Variants in ERC2 observed in about 807,000 individuals in gnomAD.
ERC2 encodes ELKS/RAB6-interacting/CAST family member 2, also known as ERC protein 2.
A neutral mutation model predicts 114.8 loss-of-function variants in ERC2; 42 were observed. The ratio of observed to expected loss-of-function variants is 0.37; its 90% CI spans 0.29 to 0.47. ERC2 has a LOEUF of 0.47. Among genes scored for constraint, ERC2 ranks in the 20% least tolerant of loss-of-function variants. ERC2 has a pLI of 0.99. For missense variants in ERC2, 939 were observed against 1,150.7 expected, an observed-to-expected ratio of 0.82 and a Z score of 2.66; for synonymous variants, 454 against 425.5, an observed-to-expected ratio of 1.07 and a Z score of -0.82.
chr3:56,056,824 T>A (rs548432274), intron 7 of ERC2, among the ~76,000 whole-genome samples: 1 of 152,286 alleles, frequency 6.6e-6, no homozygotes, highest in South Asian at 2.1e-4. Flanking sequence ...CCTTCCCTGG[T>A]CAATAGGCAT....
intron 3 of ERC2, among the ~76,000 whole-genome samples, chr3:56,180,175 T>TGACCACTGGACTTA (rs1369894111): frequency 6.6e-6 from 1 of 152,162 alleles, no homozygotes; most frequent in Non-Finnish European, 1.5e-5. Flanking sequence ...GCTAGAGAAT[T>TGACCACTGGACTTA]GACCACTGGA....
At chr3:55,581,099 G>C (rs1005741118) in intron 17 of ERC2, among the ~76,000 whole-genome samples, 2 of 152,170 alleles carry the variant, frequency 1.3e-5, no homozygotes, top group Non-Finnish European at 1.5e-5. Context: ...CCTCTAACTA[G>C]GGGGCAGTGC....
chr3:55,846,693 T>TTCTCTCTCTCTC (rs34647203), intron 14 of ERC2, among the ~76,000 whole-genome samples: 6 of 142,912 alleles, frequency 4.2e-5, no homozygotes, highest in African/African-American at 7.9e-5. Context: ...CTCTCTCTCT[T>TTCTCTCTCTCTC]TCTCTCTCTC....
intron 7 of ERC2, among the ~76,000 whole-genome samples, chr3:56,065,518 CT>C (rs374218856): frequency 1.0e-3 from 135 of 134,226 alleles, no homozygotes; most frequent in Non-Finnish European, 1.0e-3. Flanking sequence ...GGACTACTTT[CT>C]TTTTTAAAAA....
At chr3:55,961,501 T>C (rs1343460677) in intron 12 of ERC2, among the ~76,000 whole-genome samples, 1 of 152,196 alleles carries the variant, frequency 6.6e-6, no homozygotes, top group Admixed American at 6.5e-5. Flanking sequence ...GTCTTCCTTG[T>C]TCTGCTATAG....
intron 2 of ERC2, among the ~76,000 whole-genome samples, chr3:56,406,329 G>A (rs1399014635): frequency 6.6e-6 from 1 of 152,218 alleles, no homozygotes; most frequent in South Asian, 2.1e-4. Flanking sequence ...CCGAAAGAAG[G>A]TGGGATTCTG....
intron 2 of ERC2, among the ~76,000 whole-genome samples, chr3:56,347,028 G>A (rs1315155023): frequency 6.6e-6 from 1 of 152,132 alleles, no homozygotes; most frequent in Non-Finnish European, 1.5e-5. Context: ...CATGAATTTT[G>A]GAGGGGCACA....
At chr3:56,178,103 G>A (rs2083079144) in intron 3 of ERC2, among the ~76,000 whole-genome samples, 1 of 152,166 alleles carries the variant, frequency 6.6e-6, no homozygotes, top group East Asian at 1.9e-4. Context: ...GAAATCTCAA[G>A]TGGTTCATCA....
intron 16 of ERC2, among the ~76,000 whole-genome samples, chr3:55,690,360 T>C (rs539183000): frequency 2.1e-4 from 32 of 152,284 alleles, no homozygotes; most frequent in Middle Eastern, 3.4e-3. Context: ...TGTTTAGCAA[T>C]ATAAAATGGA....
chr3:55,792,595 G>C (rs2070132608), intron 14 of ERC2, among the ~76,000 whole-genome samples: 1 of 152,252 alleles, frequency 6.6e-6, no homozygotes, highest in East Asian at 1.9e-4. Flanking sequence ...ATGGAATGTA[G>C]CAATGAAATG....
At chr3:55,615,359 A>G (rs1289593071) in intron 17 of ERC2, among the ~76,000 whole-genome samples, 3 of 152,272 alleles carry the variant, frequency 2.0e-5, no homozygotes, top group Admixed American at 2.0e-4. Flanking sequence ...AAATCATATT[A>G]GAATTACAAC....
At chr3:55,645,557 C>T (rs1367497567) in intron 17 of ERC2, among the ~76,000 whole-genome samples, 1 of 152,148 alleles carries the variant, frequency 6.6e-6, no homozygotes, top group African/African-American at 2.4e-5. Flanking sequence ...TAAAGCCTTG[C>T]ATCTTTTGAA....
chr3:55,784,881 G>A (rs945614807), intron 14 of ERC2, among the ~76,000 whole-genome samples: 4 of 152,144 alleles, frequency 2.6e-5, no homozygotes, highest in African/African-American at 7.2e-5. Context: ...CAAAACAAAC[G>A]GTTGCTCATT....
At chr3:56,335,997 T>A (rs761197813) in intron 2 of ERC2, among the ~76,000 whole-genome samples, 1 of 152,120 alleles carries the variant, frequency 6.6e-6, no homozygotes, top group Non-Finnish European at 1.5e-5. Flanking sequence ...TAACAAGAAG[T>A]ATCTACCCTA....
chr3:55,975,598 T>C (rs1194965894), intron 12 of ERC2, among the ~76,000 whole-genome samples: 3 of 152,212 alleles, frequency 2.0e-5, no homozygotes, highest in Admixed American at 1.3e-4. Flanking sequence ...TTCATCATTA[T>C]TGCTTCTAGC....
intron 6 of ERC2, among the ~76,000 whole-genome samples, chr3:56,109,631 C>T (rs1408012389): frequency 6.6e-6 from 1 of 152,128 alleles, no homozygotes; most frequent in Non-Finnish European, 1.5e-5. Flanking sequence ...GGTCAGCCAT[C>T]TCTTGGGTAG....
intron 6 of ERC2, among the ~76,000 whole-genome samples, chr3:56,090,766 A>AT (rs1411433476): frequency 1.4e-5 from 2 of 146,196 alleles, no homozygotes; most frequent in Non-Finnish European, 3.0e-5. Context: ...CCGATAGGTG[A>AT]TTTTTCAATG....
intron 3 of ERC2, among the ~76,000 whole-genome samples, chr3:56,295,031 G>A (rs1478046955): frequency 6.6e-6 from 1 of 152,126 alleles, no homozygotes; most frequent in Non-Finnish European, 1.5e-5. Flanking sequence ...CTGCACTTTT[G>A]CAAATCCCAA....
At chr3:56,321,167 T>C (rs2057111734) in intron 2 of ERC2, among the ~76,000 whole-genome samples, 1 of 152,130 alleles carries the variant, frequency 6.6e-6, no homozygotes, top group South Asian at 2.1e-4. Context: ...GGCAGGTGGT[T>C]GGTGTTAAGC....
Sources: allele counts gnomAD v4.1 joint callset (sites outside exome capture counted in the v4.1 genomes callset), GRCh38; gene constraint gnomAD v4.1.1; transcripts MANE v1.5; gene names NCBI Gene and HGNC (gene_info 2026-07-23, HGNC 2026-07-21).